Variants in HGSNAT observed in about 807,000 individuals in gnomAD.
The protein encoded by HGSNAT is heparan-alpha-glucosaminide N-acetyltransferase.
A neutral mutation model predicts 85.2 loss-of-function variants in HGSNAT; 59 were observed. The ratio of observed to expected loss-of-function variants is 0.69; its 90% CI spans 0.56 to 0.86. The LOEUF (loss-of-function observed/expected upper bound fraction) is 0.86, where lower values mean the gene tolerates loss of function less well. Ranked by LOEUF, HGSNAT falls within the 40% of genes least tolerant of loss-of-function variation. HGSNAT has a pLI of 0.00. For synonymous variants in HGSNAT, 321 were observed against 304.5 expected (o/e 1.05, Z -0.56); for missense variants, 756 against 777.1 (o/e 0.97, Z 0.32).
intron 2 of HGSNAT, among the ~76,000 whole-genome samples, chr8:43,157,619 G>C (rs771129447): frequency 6.6e-6 from 1 of 151,426 alleles, no homozygotes; most frequent in African/African-American, 2.4e-5. Flanking sequence ...CTACCAAAAA[G>C]TACAAAAAAC....
chr8:43,143,722 T>A (rs1241321732), intron 1 of HGSNAT, among the ~76,000 whole-genome samples: 1 of 151,052 alleles, frequency 6.6e-6, no homozygotes, highest in Non-Finnish European at 1.5e-5. Flanking sequence ...TTTTTTTGTA[T>A]TTTTTAGTAG....
At chr8:43,142,630 T>G (rs1473193005) in intron 1 of HGSNAT, among the ~76,000 whole-genome samples, 2 of 152,180 alleles carry the variant, frequency 1.3e-5, no homozygotes, top group Non-Finnish European at 2.9e-5. Flanking sequence ...CGTTGTTTTT[T>G]GTGGGAAATT....
intron 2 of HGSNAT, among the ~76,000 whole-genome samples, chr8:43,150,577 T>C (rs1802874307): frequency 6.6e-6 from 1 of 152,150 alleles, no homozygotes; most frequent in Non-Finnish European, 1.5e-5. Context: ...CTCACACCTG[T>C]AATCCCAGCA....
intron 2 of HGSNAT, among the ~76,000 whole-genome samples, chr8:43,154,676 G>T (rs1368651037): frequency 1.3e-5 from 2 of 152,146 alleles, no homozygotes; most frequent in African/African-American, 4.8e-5. Flanking sequence ...TGTCTTTATA[G>T]CAGCATGATT....
In HGSNAT at chr8:43,199,553, T is replaced by C. The variant is rs1278951967; in HGVS notation, c.1892T>C (p.Ile631Thr). ...LIAYILYRKK[I>T]FWKI ...GCCTACATCCTCTATAGAAAGAAGA[T>C]TTTTTGGAAAATCTGATGGCTCCCA... The change falls in exon 18 of 18, where the codon ATT becomes ACT. Residue 631 changes from isoleucine to threonine, a missense_variant. Transcript: ENST00000379644. 1.3e-6 allele frequency: 2 copies of C among 1,549,560 alleles called. No homozygotes were observed. The highest frequency in any genetic ancestry group is 2.0e-5 in the Admixed American group (1 of 50,930).
intron 5 of HGSNAT, among the ~76,000 whole-genome samples, chr8:43,166,961 G>A (rs1239389153): frequency 6.6e-6 from 1 of 152,170 alleles, no homozygotes; most frequent in African/African-American, 2.4e-5. Flanking sequence ...CCTCATGGAT[G>A]ACTCGGGGGT....
intron 13 of HGSNAT, 106 bp downstream of exon 13, chr8:43,192,536 A>T: frequency 8.3e-7 from 1 of 1,198,426 alleles, no homozygotes; most frequent in Non-Finnish European, 1.1e-6. Context: ...AAGAAAACAC[A>T]CTGAGAACTG....
chr8:43,192,348 C>A lies in HGSNAT; in HGVS notation c.1295C>A (p.Pro432Gln). ...PGGIGDFGKY[P>Q]NCTGGAAGYI... ...GGCATTGGAGATTTTGGCAAGTATC[C>A]AAATTGCACTGGAGGAGCTGCAGGC... The change falls in exon 13 of 18, where the codon CCA (proline) becomes CAA (glutamine). Residue 432 changes from proline to glutamine, a missense_variant. Transcript: ENST00000379644. 1 of 1,611,500 alleles carries A rather than the reference C, an allele frequency of 6.2e-7. No individual in the cohort carries two copies. Among genetic ancestry groups the A allele is most frequent in the South Asian group, 1.1e-5 (1 of 90,462 alleles).
chr8:43,193,764 ACC>A lies in HGSNAT; in HGVS notation c.1386_1387del (p.Tyr462Ter), dbSNP rs1379475790. 1 of 1,612,438 alleles carries A rather than the reference ACC, an allele frequency of 6.2e-7. No individual in the cohort carries two copies. Among genetic ancestry groups the A allele is most frequent in the Non-Finnish European group, 8.5e-7 (1 of 1,178,876 alleles). ...CTGCTTCTGTTTGTTAAGGTACTTT[ACC>A]ACACCGAGGTGGCCTATGACCCCGA... On this transcript the variant is annotated stop_gained and frameshift_variant, in exon 14 of 18. Coordinates refer to ENST00000379644, the MANE Select transcript of HGSNAT (RefSeq NM_152419.3). LOFTEE classifies it high-confidence loss of function.
chr8:43,155,459 C>G (rs1008040478), intron 2 of HGSNAT, among the ~76,000 whole-genome samples: 3 of 152,016 alleles, frequency 2.0e-5, no homozygotes, highest in Non-Finnish European at 2.9e-5. Flanking sequence ...AAAAAATGAG[C>G]CTTTTTTTTG....
At chr8:43,147,990 C>A (rs1802769534) in intron 2 of HGSNAT, among the ~76,000 whole-genome samples, 1 of 152,206 alleles carries the variant, frequency 6.6e-6, no homozygotes. Flanking sequence ...CGCCTGTAAT[C>A]TCAGCACTTT....
Position 43,201,710 on chromosome 8 carries a change from G to A in HGSNAT, c.*2141G>A, listed in dbSNP as rs1223796831. 3.3e-5 allele frequency: 5 copies of A among 152,154 alleles called. No homozygotes were observed. Among genetic ancestry groups the A allele is most frequent in the South Asian group, 2.1e-4 (1 of 4,818 alleles). The allele number at this position is 152,154 out of a possible 1,614,324, so 9.4% of individuals were successfully genotyped here. ...GCATGTGCAATTTCTAATTTCCCACGCTAGACTGTGAGCTTCCTAAGGCAA... is the reference window on the plus strand; with the variant it reads ...GCATGTGCAATTTCTAATTTCCCACACTAGACTGTGAGCTTCCTAAGGCAA... On this transcript the variant is annotated 3_prime_UTR_variant, in exon 18 of 18. Transcript: ENST00000379644. This position sits in a 1 kb window ranked among gnomAD's most constrained non-coding sequence, Gnocchi z 4.4.
chr8:43,141,162 C>A (rs1802516396), intron 1 of HGSNAT, among the ~76,000 whole-genome samples: 1 of 152,232 alleles, frequency 6.6e-6, no homozygotes, highest in Non-Finnish European at 1.5e-5. Flanking sequence ...TGGGGTTGAA[C>A]CTGCGTGGAT....
intron 17 of HGSNAT, among the ~76,000 whole-genome samples, chr8:43,199,164 G>A (rs544190516): frequency 6.6e-6 from 1 of 152,320 alleles, no homozygotes; most frequent in South Asian, 2.1e-4. Context: ...GCCTCCCAAA[G>A]TGCTGGGATT....
intron 13 of HGSNAT, 39 bp downstream of exon 13, chr8:43,192,469 G>A: frequency 6.4e-7 from 1 of 1,557,260 alleles, no homozygotes; most frequent in Non-Finnish European, 8.7e-7. Flanking sequence ...TGGAACTCAG[G>A]CTTTCAGAAG....
intron 5 of HGSNAT, among the ~76,000 whole-genome samples, chr8:43,164,237 C>A (rs187672434): frequency 1.2e-3 from 188 of 152,256 alleles, no homozygotes; most frequent in African/African-American, 4.4e-3. Context: ...GGCCATGTGT[C>A]GACACTTGTT....
chr8:43,158,971 G>A lies in HGSNAT; in HGVS notation c.420G>A (p.Lys140=), dbSNP rs1245557665. The A allele has an allele frequency of 1.9e-6, 3 of 1,613,210 alleles. No individual in the cohort carries two copies. In the East Asian group the frequency reaches 6.7e-5, roughly 36 times the overall value. ...TTGGAAACTATTCTCTCTTGGTAAA[G>A]AACATCCATAATGGAGTTAGTGAAA... ...GEFGNYSLLV[K]NIHNGVSEIA... The change falls in exon 4 of 18, where the codon AAG becomes AAA. Residue 140 remains lysine (K), a synonymous_variant. Transcript: ENST00000379644.
At chr8:43,188,782 T>C (rs945754785) in intron 11 of HGSNAT, among the ~76,000 whole-genome samples, 1 of 152,240 alleles carries the variant, frequency 6.6e-6, no homozygotes, top group Non-Finnish European at 1.5e-5. Flanking sequence ...CTTTGTGGTT[T>C]TATCTACCTT....
intron 7 of HGSNAT, among the ~76,000 whole-genome samples, chr8:43,170,949 G>C (rs1196590036): frequency 1.3e-5 from 2 of 152,236 alleles, no homozygotes; most frequent in African/African-American, 4.8e-5. Flanking sequence ...GGTCTGCTGA[G>C]TGAAGGGCAT....
Sources: allele counts gnomAD v4.1 joint callset (sites outside exome capture counted in the v4.1 genomes callset), GRCh38; gene constraint gnomAD v4.1.1; non-coding constraint Gnocchi (gnomAD v3.1); transcripts MANE v1.5; gene names NCBI Gene and HGNC (gene_info 2026-07-23, HGNC 2026-07-21).